Variants in ANKHD1 observed in about 807,000 individuals in gnomAD.
ANKHD1 encodes ankyrin repeat and KH domain-containing protein 1.
Under a neutral mutation model 230.5 loss-of-function variants are expected in ANKHD1, and 31 were observed. The observed-to-expected ratio is 0.13, with a 90% CI of 0.10 to 0.18. The LOEUF (loss-of-function observed/expected upper bound fraction) is 0.18. Ranked by LOEUF, ANKHD1 falls within the 10% of genes least tolerant of loss-of-function variation. The pLI is 1.00. For synonymous variants in ANKHD1, 1,074 were observed against 1,117.6 expected, an observed-to-expected ratio of 0.96 and a Z score of 0.78; for missense variants, 2,256 against 3,071.3, an observed-to-expected ratio of 0.73 and a Z score of 6.27.
intron 14 of ANKHD1, among the ~76,000 whole-genome samples, chr5:140,492,413 G>A (rs974747235): frequency 5.9e-5 from 9 of 152,230 alleles, no homozygotes; most frequent in African/African-American, 1.9e-4. Context: ...ATTTTGAGAG[G>A]AATATTTAGA....
intron 10 of ANKHD1, among the ~76,000 whole-genome samples, chr5:140,477,443 A>G (rs1751029826): frequency 6.6e-6 from 1 of 152,152 alleles, no homozygotes. Context: ...TTCTTTTCCA[A>G]TACATGGAAT....
chr5:140,404,986 TGTGTGTG>T, intron 1 of ANKHD1, among the ~76,000 whole-genome samples: 1 of 150,044 alleles, frequency 6.7e-6, no homozygotes, highest in Non-Finnish European at 1.5e-5. Flanking sequence ...TGTGTGTGTG[TGTGTGTG>T]TGTGTGTGTG....
intron 14 of ANKHD1, among the ~76,000 whole-genome samples, chr5:140,491,075 T>C (rs1302710771): frequency 2.2e-5 from 3 of 135,234 alleles, no homozygotes; most frequent in Non-Finnish European, 3.2e-5. Context: ...TATATGTATG[T>C]ATATATGTGT....
At chr5:140,436,745 G>GA (rs1170599052) in intron 2 of ANKHD1, among the ~76,000 whole-genome samples, 354 of 99,776 alleles carry the variant, frequency 3.5e-3, no homozygotes, top group Admixed American at 7.8e-3. Context: ...GACTCCGTCT[G>GA]AAAAAAAAAA....
intron 15 of ANKHD1, among the ~76,000 whole-genome samples, chr5:140,502,788 C>T (rs1441477599): frequency 6.6e-6 from 1 of 151,778 alleles, no homozygotes; most frequent in Non-Finnish European, 1.5e-5. Flanking sequence ...TTCTTGGCCA[C>T]TTCTTCCAGG....
rs1244423549 is a variant in ANKHD1 at position 140,526,956 on chromosome 5, T to G, written c.4969T>G (p.Leu1657Val). The G allele has an allele frequency of 1.9e-6, 3 of 1,612,940 alleles. No individual in the cohort carries two copies. The African/African-American group carries it at 4.0e-5, about 22-fold the overall frequency. Residue 1657 changes from leucine (L) to valine (V), a missense_variant, in exon 27 of 34, where the codon TTG becomes GTG. Around this residue, in one of 13 missense-constraint regions of ANKHD1, gnomAD observed 212 missense variants for 257.3 expected, o/e 0.82. Transcript: ENST00000360839. ...RLEGEVTPNS[L>V]STSYKTVSLP... The stretch of plus-strand genomic sequence containing the variant: ...TGAAGGTGAAGTGACTCCTAATTCC[T>G]TGTCAACCAGCTACAAGACAGTGTC...
chr5:140,419,460 T>C (rs1581215796), intron 1 of ANKHD1, among the ~76,000 whole-genome samples: 1 of 96,828 alleles, frequency 1.0e-5, no homozygotes, highest in African/African-American at 3.0e-5. Flanking sequence ...CTTTCTTTTT[T>C]TTTTTTTTTT....
At chr5:140,411,911 A>G (rs1770961215) in intron 1 of ANKHD1, among the ~76,000 whole-genome samples, 1 of 150,520 alleles carries the variant, frequency 6.6e-6, no homozygotes, top group African/African-American at 2.4e-5. Flanking sequence ...GTGGCTCACG[A>G]TCGTATGGCG....
chr5:140,416,551 CTA>C (rs1771410820), intron 1 of ANKHD1, among the ~76,000 whole-genome samples: 1 of 152,116 alleles, frequency 6.6e-6, no homozygotes, highest in Non-Finnish European at 1.5e-5. Context: ...TTCCATTGGT[CTA>C]TATGTCTGTC....
chr5:140,519,266 G>A (rs1433002761), intron 24 of ANKHD1, among the ~76,000 whole-genome samples: 1 of 152,118 alleles, frequency 6.6e-6, no homozygotes, highest in Non-Finnish European at 1.5e-5. Context: ...CCACTGCTCA[G>A]TGAAATAAAA....
At chr5:140,488,284 A>G (rs529915956) in intron 14 of ANKHD1, among the ~76,000 whole-genome samples, 2 of 152,240 alleles carry the variant, frequency 1.3e-5, no homozygotes, top group Admixed American at 6.5e-5. Flanking sequence ...TGGAAACTCA[A>G]TACTAAATAA....
intron 8 of ANKHD1, 32 bp from the exon 9 acceptor site, chr5:140,459,131 CA>C (rs1775524011): frequency 6.8e-7 from 1 of 1,466,992 alleles, no homozygotes; most frequent in Non-Finnish European, 9.1e-7. Context: ...AAGTCTCTTG[CA>C]ACTAATTTTA....
chr5:140,421,204 C>G (rs946281718), intron 1 of ANKHD1, among the ~76,000 whole-genome samples: 6 of 151,634 alleles, frequency 4.0e-5, no homozygotes, highest in Non-Finnish European at 7.4e-5. Context: ...GGACTAGTCT[C>G]CAAGAAGAAT....
intron 6 of ANKHD1, among the ~76,000 whole-genome samples, chr5:140,448,009 G>A (rs1774424205): frequency 6.6e-6 from 1 of 152,170 alleles, no homozygotes; most frequent in Non-Finnish European, 1.5e-5. Context: ...AATGCTGGGT[G>A]CAGTAACTCA....
Position 140,497,153 on chromosome 5 carries a change from T to C in ANKHD1, c.2879T>C (p.Ile960Thr), listed in dbSNP as rs756463969. The C allele has an allele frequency of 1.9e-6, 3 of 1,614,048 alleles. No homozygotes were observed. Among genetic ancestry groups the C allele is most frequent in the Non-Finnish European group, 2.5e-6 (3 of 1,180,016 alleles). The change falls in exon 15 of 34, where the codon ATT becomes ACT. Residue 960 changes from isoleucine to threonine, a missense_variant. Coordinates refer to ENST00000360839, the MANE Select transcript of ANKHD1 (RefSeq NM_017747.3). The stretch of plus-strand genomic sequence containing the variant: ...CAGAAAGTATCAGGTAATCAGCAGA[T>C]TGTAGGACAGCCTCAGATTGCTATT... Reference protein sequence around the residue: ...ELQKVSGNQQIVGQPQIAITG... With the variant: ...ELQKVSGNQQTVGQPQIAITG...
chr5:140,510,292 A>T, intron 22 of ANKHD1, 111 bp downstream of exon 22: 1 of 1,199,380 alleles, frequency 8.3e-7, no homozygotes, highest in Admixed American at 3.3e-5. Flanking sequence ...TAGAAAAATC[A>T]CTGCTATCTT....
At chr5:140,492,503 A>G (rs1218336055) in intron 14 of ANKHD1, among the ~76,000 whole-genome samples, 1 of 152,240 alleles carries the variant, frequency 6.6e-6, no homozygotes, top group Non-Finnish European at 1.5e-5. Flanking sequence ...TTTTATATTG[A>G]AGCCCAGGAC....
At chr5:140,519,481 G>A (rs946449503) in intron 24 of ANKHD1, among the ~76,000 whole-genome samples, 5 of 152,072 alleles carry the variant, frequency 3.3e-5, no homozygotes, top group Middle Eastern at 3.2e-3. Context: ...TCAGTCCTAC[G>A]CCAAAAGAAC....
intron 1 of ANKHD1, among the ~76,000 whole-genome samples, chr5:140,427,880 G>T (rs1468085604): frequency 2.6e-5 from 4 of 151,692 alleles, no homozygotes; most frequent in Non-Finnish European, 5.9e-5. Context: ...CTTCTCAGAC[G>T]GGGCGGCTGC....
Sources: gnomAD v4.1 joint callset for allele counts (sites outside exome capture counted in the v4.1 genomes callset) on GRCh38, gnomAD v4.1.1 for gene constraint, gnomAD v4.1.1 regional missense constraint, MANE v1.5 for transcripts, NCBI Gene and HGNC (gene_info 2026-07-23, HGNC 2026-07-21) for gene names.